The following TRPM3 variants were observed in gnomAD, a reference collection of about 807,000 sequenced individuals.
TRPM3 encodes long transient receptor potential channel 3.
In TRPM3, 77 loss-of-function variants were observed where a neutral mutation model predicts 181.2. The observed-to-expected ratio is 0.42, with a 90% confidence interval of 0.35 to 0.51. The LOEUF is 0.51. Among genes scored for constraint, TRPM3 ranks in the 20% least tolerant of loss-of-function variants. TRPM3 has a pLI of 0.01. For missense variants in TRPM3, 1,759 were observed against 2,196.7 expected (o/e 0.80, Z 3.98); for synonymous variants, 745 against 796.4 (o/e 0.94, Z 1.09).
chr9:70,793,467 AAAAT>A (rs1321628928), intron 6 of TRPM3: 7,856 of 115,834 alleles, frequency 0.068, 326 homozygotes, highest in East Asian at 0.24. Context: ...AAAAAAAAAA[AAAAT>A]ATATATATAT....
At chr9:70,954,041 G>C (rs2097035952) in intron 1 of TRPM3, among the ~76,000 whole-genome samples, 1 of 152,148 alleles carries the variant, frequency 6.6e-6, no homozygotes, top group Admixed American at 6.5e-5. Context: ...AAAATACAGA[G>C]AGAAGACAAT....
At chr9:70,878,965 T>A (rs572187342) in intron 1 of TRPM3, among the ~76,000 whole-genome samples, 3 of 152,146 alleles carry the variant, frequency 2.0e-5, no homozygotes, top group Non-Finnish European at 4.4e-5. Flanking sequence ...TAACGTTTCA[T>A]AATAGCAGCA....
rs190412076 is a variant in TRPM3, at chr9:71,096,547, C to G, written c.177+24631G>C. Among the ~76,000 whole-genome samples, 1,160 of 135,902 alleles carry G rather than the reference C, an allele frequency of 8.5e-3. 18 individuals carry two copies. The highest frequency in any genetic ancestry group is 0.029 in the African/African-American group (1,033 of 35,942). The allele number at this position is 135,902 out of a possible 152,430, so 89.2% of individuals were successfully genotyped here. ...CCCAAATGACTGTTGGAACCCCCAT[C>G]CTGTGAGCGCATGCACACACACACA... On this transcript the variant is annotated intron_variant, in intron 1 of 25. Transcript: ENST00000677713.
chr9:71,009,815 C>G (rs2097717145), intron 1 of TRPM3, among the ~76,000 whole-genome samples: 1 of 152,134 alleles, frequency 6.6e-6, no homozygotes, highest in Non-Finnish European at 1.5e-5. Context: ...ATCATATTAC[C>G]TTTCTTCCAA....
intron 1 of TRPM3, among the ~76,000 whole-genome samples, chr9:71,276,566 T>C (rs2084230300): frequency 6.6e-6 from 1 of 152,222 alleles, no homozygotes; most frequent in South Asian, 2.1e-4. Flanking sequence ...TACAATGTGT[T>C]GACCCTTTTA....
At chr9:70,795,629 C>A (rs963953295) in intron 6 of TRPM3, among the ~76,000 whole-genome samples, 2 of 152,200 alleles carry the variant, frequency 1.3e-5, no homozygotes, top group African/African-American at 4.8e-5. Flanking sequence ...CGAACGTCTT[C>A]CCCCAGGGGC....
intron 1 of TRPM3, among the ~76,000 whole-genome samples, chr9:71,412,192 G>A (rs2093563108): frequency 6.6e-6 from 1 of 152,098 alleles, no homozygotes; most frequent in Admixed American, 6.6e-5. Context: ...GAATGGGCAA[G>A]GACTTCATGA....
chr9:71,442,394 CT>C (rs1309691310), intron 1 of TRPM3, among the ~76,000 whole-genome samples: 2 of 152,068 alleles, frequency 1.3e-5, no homozygotes, highest in Non-Finnish European at 2.9e-5. Context: ...TGAAAACAAG[CT>C]TTTAAATAGC....
intron 1 of TRPM3, among the ~76,000 whole-genome samples, chr9:71,422,611 G>A (rs1033948094): frequency 5.9e-5 from 9 of 151,934 alleles, no homozygotes; most frequent in African/African-American, 2.2e-4. Flanking sequence ...GATCTTTCTA[G>A]TAGTATATAT....
intron 1 of TRPM3, among the ~76,000 whole-genome samples, chr9:70,948,821 G>C (rs2096963957): frequency 6.6e-6 from 1 of 152,138 alleles, no homozygotes; most frequent in Non-Finnish European, 1.5e-5. Context: ...GGATTTGCTT[G>C]AACTACTTAA....
chr9:70,830,176 TA>T (rs1412997276), intron 5 of TRPM3, among the ~76,000 whole-genome samples: 4 of 152,326 alleles, frequency 2.6e-5, no homozygotes, highest in South Asian at 4.1e-4. Flanking sequence ...GGCTGAGACG[TA>T]AGCCCATGTT....
chr9:70,612,655 C>G (rs765307540), intron 18 of TRPM3, among the ~76,000 whole-genome samples: 3 of 152,162 alleles, frequency 2.0e-5, no homozygotes, highest in Non-Finnish European at 4.4e-5. Context: ...AGATTCCATA[C>G]TAAGACTTAT....
At chr9:70,654,962 C>A (rs113384547) in intron 9 of TRPM3, among the ~76,000 whole-genome samples, 2 of 150,616 alleles carry the variant, frequency 1.3e-5, no homozygotes, top group African/African-American at 4.9e-5. Flanking sequence ...GGATTACAGG[C>A]GTGAAGCACT....
rs1259747209 is a variant in TRPM3 at position 70,585,137 on chromosome 9, TC to T, written c.3223+5893del. On this transcript the variant is annotated intron_variant, in intron 22 of 25. Coordinates refer to ENST00000677713, the MANE Select transcript of TRPM3 (RefSeq NM_001366145.2). ...TCCCTCTTGCCTAGTAAATGCTTTG[TC>T]CTGTTGCTGATTTACTCTTACATCA... 3.9e-5 allele frequency among the ~76,000 whole-genome samples: 6 copies of T among 152,230 alleles called. No homozygotes were observed. In the East Asian group the frequency reaches 1.2e-3, roughly 29 times the overall value.
At chr9:71,164,023 T>C (rs2076400526) in intron 1 of TRPM3, among the ~76,000 whole-genome samples, 1 of 152,144 alleles carries the variant, frequency 6.6e-6, no homozygotes, top group Admixed American at 6.6e-5. Context: ...GCTGGGACTC[T>C]TTCTATCAAG....
At chr9:71,189,114 T>G (rs1320300835) in intron 1 of TRPM3, among the ~76,000 whole-genome samples, 1 of 151,824 alleles carries the variant, frequency 6.6e-6, no homozygotes, top group African/African-American at 2.4e-5. Context: ...AGGAATTGCC[T>G]CTCTATGATG....
intron 22 of TRPM3, among the ~76,000 whole-genome samples, chr9:70,580,877 C>T (rs1362913944): frequency 9.9e-5 from 15 of 152,156 alleles, no homozygotes; most frequent in Admixed American, 5.2e-4. Context: ...ATATATATCA[C>T]GCTGATTTGT....
intron 1 of TRPM3, among the ~76,000 whole-genome samples, chr9:70,988,173 T>C (rs185097338): frequency 9.8e-4 from 149 of 152,304 alleles, no homozygotes; most frequent in African/African-American, 3.3e-3. Flanking sequence ...TTAAATTTCT[T>C]GAGATTTCAG....
chr9:71,418,909 T>TATATATGTGTATATATATACACAC (rs2093683100), intron 1 of TRPM3, among the ~76,000 whole-genome samples: 1 of 99,296 alleles, frequency 1.0e-5, no homozygotes, highest in South Asian at 3.0e-4. Flanking sequence ...TGTGTGTGTG[T>TATATATGTGTATATATATACACAC]ATATATATGT....
Sources: gnomAD v4.1 joint callset for allele counts (sites outside exome capture counted in the v4.1 genomes callset) on GRCh38, gnomAD v4.1.1 for gene constraint, MANE v1.5 for transcripts, NCBI Gene and HGNC (gene_info 2026-07-23, HGNC 2026-07-21) for gene names.